CUX1: variants seen among roughly 807,000 people sequenced by gnomAD.
CUX1 encodes protein CASP.
CUX1 carries 31 observed loss-of-function variants against 158.8 expected under a neutral mutation model. That is an observed-to-expected ratio of 0.20 (90% CI 0.15 to 0.26). CUX1 has a LOEUF of 0.26. Ranked by LOEUF, CUX1 falls within the 10% of genes least tolerant of loss-of-function variation. The probability of loss-of-function intolerance (pLI) is 1.00; values close to 1 mark genes in which losing one functional copy is unlikely to be tolerated. For synonymous variants in CUX1, 879 were observed against 862.1 expected, an observed-to-expected ratio of 1.02 and a Z score of -0.34; for missense variants, 1,589 against 2,014.6, an observed-to-expected ratio of 0.79 and a Z score of 4.04.
In CUX1 at chr7:102,253,977, C is replaced by A. The variant is rs117109026; in HGVS notation, c.*4935C>A. 2.5e-4 allele frequency: 247 copies of A among 985,478 alleles called. 3 individuals carry two copies. The East Asian group carries it at 0.02, about 81-fold the overall frequency. The allele number at this position is 985,478 out of a possible 1,614,324, so 61.0% of individuals were successfully genotyped here. A position where few individuals can be genotyped will look rare whatever the true frequency, so the allele number is the denominator to read the frequency against. Reference sequence around the variant, plus strand: ...CCATCTGATGTCACCCAGAACCACACCCCACAGAACTGTGAGGCACGTGGG... The same window carrying A: ...CCATCTGATGTCACCCAGAACCACAACCCACAGAACTGTGAGGCACGTGGG... On this transcript the variant is annotated 3_prime_UTR_variant, in exon 24 of 24. Coordinates refer to ENST00000292535, the MANE Select transcript of CUX1 (RefSeq NM_181552.4).
Position 101,916,948 on chromosome 7 carries a change from G to A in CUX1, c.141+723G>A, listed in dbSNP as rs895712169. Among the ~76,000 whole-genome samples, 3 of 151,854 alleles carry A rather than the reference G, an allele frequency of 2.0e-5. No homozygotes were observed. Among genetic ancestry groups the A allele is most frequent in the Admixed American group, 2.0e-4 (3 of 15,252 alleles). On this transcript the variant is annotated intron_variant, in intron 2 of 23. Coordinates refer to ENST00000292535, the MANE Select transcript of CUX1 (RefSeq NM_181552.4). The surrounding 1 kb of genome is among the most constrained non-coding windows in gnomAD (Gnocchi z 4.4). The stretch of plus-strand genomic sequence containing the variant: ...ACATCCAAGCGTGTTGCAGGCAGAT[G>A]AGCAGTCGCGGGAATGGCTTTCCGG...
At position 102,251,613 on chromosome 7, in the gene CUX1, G is replaced by A; in HGVS notation, c.*2571G>A. On this transcript the variant is annotated 3_prime_UTR_variant, in exon 24 of 24. Coordinates refer to ENST00000292535, the MANE Select transcript of CUX1 (RefSeq NM_181552.4). ...ATTAGAGGAGCTTAAGGGGACACGGGTCAACATCTAGCTCGATTCAGGTGC... is the reference window on the plus strand; with the variant it reads ...ATTAGAGGAGCTTAAGGGGACACGGATCAACATCTAGCTCGATTCAGGTGC... The A allele has an allele frequency of 2.0e-6, 2 of 985,424 alleles. No homozygotes were observed. The highest frequency in any genetic ancestry group is 1.2e-6 in the Non-Finnish European group (1 of 829,936). The allele number at this position is 985,424 out of a possible 1,614,324, so 61.0% of individuals were successfully genotyped here. A position where few individuals can be genotyped will look rare whatever the true frequency, so the allele number is the denominator to read the frequency against.
At chr7:102,073,013 G>A (rs1826299726) in intron 4 of CUX1, among the ~76,000 whole-genome samples, 1 of 151,976 alleles carries the variant, frequency 6.6e-6, no homozygotes, top group Admixed American at 6.6e-5. Flanking sequence ...ACCACTTCTG[G>A]GAGCAGGATC....
intron 23 of CUX1, among the ~76,000 whole-genome samples, chr7:102,241,926 C>T (rs1319424460): frequency 4.6e-5 from 7 of 152,188 alleles, no homozygotes; most frequent in South Asian, 2.1e-4. Flanking sequence ...GCCGAGATCA[C>T]ACCACTGCAC....
intron 4 of CUX1, among the ~76,000 whole-genome samples, chr7:102,071,883 G>A (rs138681094): frequency 1.6e-4 from 25 of 152,308 alleles, no homozygotes; most frequent in African/African-American, 4.6e-4. Context: ...CAGCCTAATC[G>A]TAGAGAATGG....
chr7:102,056,116 T>A (rs1824092191), intron 3 of CUX1, among the ~76,000 whole-genome samples: 1 of 152,196 alleles, frequency 6.6e-6, no homozygotes, highest in African/African-American at 2.4e-5. Flanking sequence ...ATTCATGATG[T>A]TTAAGGAAAG....
intron 20 of CUX1, among the ~76,000 whole-genome samples, chr7:102,216,805 C>T (rs1413928506): frequency 2.2e-5 from 1 of 46,142 alleles, no homozygotes; most frequent in African/African-American, 4.8e-5. Flanking sequence ...CCCACACACA[C>T]CCCCACACAC....
chr7:102,282,682 G>A (rs113587438), intron 21 of CUX1: 137 of 1,608,892 alleles, frequency 8.5e-5, no homozygotes, highest in African/African-American at 1.2e-4. Flanking sequence ...TGAGGCGAAC[G>A]GGCAGCTCAC....
intron 1 of CUX1, among the ~76,000 whole-genome samples, chr7:101,831,559 T>C (rs1473139017): frequency 6.6e-6 from 1 of 151,986 alleles, no homozygotes; most frequent in Non-Finnish European, 1.5e-5. Flanking sequence ...CCCAAAGTGC[T>C]GGGATTACAG....
chr7:102,025,558 G>A (rs1819910250), intron 2 of CUX1, among the ~76,000 whole-genome samples: 1 of 152,106 alleles, frequency 6.6e-6, no homozygotes, highest in Admixed American at 6.6e-5. Context: ...AACCCGGGAG[G>A]TGGAGGTTAC....
downstream of CUX1, among the ~76,000 whole-genome samples, chr7:102,259,064 G>T (rs1554542977): frequency 6.6e-6 from 1 of 152,200 alleles, no homozygotes; most frequent in Non-Finnish European, 1.5e-5. Context: ...TTAATTTGGA[G>T]ATTTCAGATT....
chr7:102,227,220 G>T, intron 20 of CUX1, 147 bp from the exon 21 acceptor site: 1 of 693,860 alleles, frequency 1.4e-6, no homozygotes, highest in Non-Finnish European at 2.4e-6. Flanking sequence ...AAAAAAATAT[G>T]AAACAGTTCA....
chr7:102,044,671 CT>C (rs1822531105), intron 3 of CUX1, among the ~76,000 whole-genome samples: 1 of 152,128 alleles, frequency 6.6e-6, no homozygotes, highest in South Asian at 2.1e-4. Context: ...GAATTTCCCC[CT>C]GCTTCTCGCC....
chr7:101,816,188 G>A (rs1199992716), upstream of CUX1: 4 of 471,950 alleles, frequency 8.5e-6, no homozygotes. Flanking sequence ...CAGCCGCCGG[G>A]GGGCCCGCGG....
rs1486546836 is a variant in CUX1 at position 101,869,686 on chromosome 7, A to G, written c.31-46429A>G. Reference sequence around the variant, plus strand: ...CTCCGTGTCCTCAGGACACCATGGAAGACGGCAGGACACACGTGCGAGCCA... The same window carrying G: ...CTCCGTGTCCTCAGGACACCATGGAGGACGGCAGGACACACGTGCGAGCCA... On this transcript the variant is annotated intron_variant, in intron 1 of 23. Coordinates refer to ENST00000292535, the MANE Select transcript of CUX1 (RefSeq NM_181552.4). The surrounding 1 kb of genome is among the most constrained non-coding windows in gnomAD (Gnocchi z 4.5). Among the ~76,000 whole-genome samples, 1 of 152,098 alleles carries G rather than the reference A, an allele frequency of 6.6e-6. No individual in the cohort carries two copies. Among genetic ancestry groups the G allele is most frequent in the Non-Finnish European group, 1.5e-5 (1 of 68,000 alleles).
intron 14 of CUX1, among the ~76,000 whole-genome samples, chr7:102,268,441 T>C (rs896335469): frequency 6.6e-6 from 1 of 152,056 alleles, no homozygotes; most frequent in Non-Finnish European, 1.5e-5. Context: ...TCTTGGTGCC[T>C]TCACATGCAT....
At chr7:102,060,882 G>A (rs1217662356) in intron 3 of CUX1, among the ~76,000 whole-genome samples, 2 of 142,506 alleles carry the variant, frequency 1.4e-5, no homozygotes, top group Non-Finnish European at 1.5e-5. Context: ...AAAGCACTGC[G>A]ATTACAGGTG....
intron 2 of CUX1, among the ~76,000 whole-genome samples, chr7:101,984,089 A>AAAAAATATAT (rs1221503978): frequency 3.0e-4 from 9 of 29,812 alleles, no homozygotes; most frequent in Non-Finnish European, 5.6e-4. Flanking sequence ...AAAAAAAAAA[A>AAAAAATATAT]ATATATATAT....
chr7:101,972,444 A>G (rs1220789717), intron 2 of CUX1, among the ~76,000 whole-genome samples: 1 of 152,200 alleles, frequency 6.6e-6, no homozygotes, highest in African/African-American at 2.4e-5. Flanking sequence ...CTCGGACGGC[A>G]TCTGACCTGG....
Sources: allele counts gnomAD v4.1 joint callset (sites outside exome capture counted in the v4.1 genomes callset), GRCh38; gene constraint gnomAD v4.1.1; non-coding constraint Gnocchi (gnomAD v3.1); transcripts MANE v1.5; gene names NCBI Gene and HGNC (gene_info 2026-07-23, HGNC 2026-07-21).